The following NLGN1 variants were observed in gnomAD, a reference collection of about 807,000 sequenced individuals.
NLGN1 encodes the protein neuroligin-1.
NLGN1 carries 12 observed loss-of-function variants against 65.5 expected under a neutral mutation model. The ratio of observed to expected loss-of-function variants is 0.18; its 90% CI spans 0.12 to 0.30. The LOEUF is 0.30. Among genes scored for constraint, NLGN1 ranks in the 10% least tolerant of loss-of-function variants. The pLI, the probability that NLGN1 is intolerant of heterozygous loss-of-function variation, is 1.00. For missense variants in NLGN1, 750 were observed against 1,007.1 expected (o/e 0.74, Z 3.46); for synonymous variants, 350 against 359.5 (o/e 0.97, Z 0.30).
At chr3:173,507,697 A>G (rs186657486) in intron 2 of NLGN1, among the ~76,000 whole-genome samples, 9 of 152,136 alleles carry the variant, frequency 5.9e-5, no homozygotes, top group Admixed American at 5.9e-4. Context: ...GTGTGTACAT[A>G]TATATTCCTG....
At chr3:173,407,686 A>G (rs1711553364) in intron 1 of NLGN1, among the ~76,000 whole-genome samples, 1 of 152,194 alleles carries the variant, frequency 6.6e-6, no homozygotes, top group Admixed American at 6.5e-5. Flanking sequence ...AATAAAAATC[A>G]AGACTAAGAC....
At chr3:173,695,357 A>G (rs901949413) in intron 3 of NLGN1, among the ~76,000 whole-genome samples, 6 of 152,156 alleles carry the variant, frequency 3.9e-5, no homozygotes, top group East Asian at 1.9e-4. Context: ...ATAAAAAACA[A>G]AACATTTTTA....
At chr3:174,267,969 A>G (rs1428593858) in intron 4 of NLGN1, among the ~76,000 whole-genome samples, 1 of 152,164 alleles carries the variant, frequency 6.6e-6, no homozygotes, top group African/African-American at 2.4e-5. Flanking sequence ...CACTTAAGAG[A>G]GATAAAAATA....
chr3:173,445,097 T>C (rs1242178178), intron 2 of NLGN1, among the ~76,000 whole-genome samples: 1 of 150,886 alleles, frequency 6.6e-6, no homozygotes, highest in Non-Finnish European at 1.5e-5. Context: ...TGAAACCCCG[T>C]CTCTACTAAA....
chr3:174,132,672 C>T (rs1345328710), intron 4 of NLGN1, among the ~76,000 whole-genome samples: 2 of 152,118 alleles, frequency 1.3e-5, no homozygotes, highest in Admixed American at 1.3e-4. Context: ...CAGTCACTGC[C>T]TCAGGAGTCA....
intron 2 of NLGN1, among the ~76,000 whole-genome samples, chr3:173,542,686 A>C (rs1260484940): frequency 3.9e-5 from 6 of 151,984 alleles, no homozygotes; most frequent in Admixed American, 3.9e-4. Context: ...GGGGTATTTT[A>C]CAGTATGAGG....
chr3:173,494,713 G>T (rs1729724661), intron 2 of NLGN1, among the ~76,000 whole-genome samples: 1 of 151,646 alleles, frequency 6.6e-6, no homozygotes, highest in South Asian at 2.1e-4. Flanking sequence ...CATGATTTGA[G>T]GTAGTGGCTG....
chr3:173,897,244 A>G (rs572034459), intron 4 of NLGN1, among the ~76,000 whole-genome samples: 1 of 152,308 alleles, frequency 6.6e-6, no homozygotes, highest in South Asian at 2.1e-4. Context: ...TTTCCAGGCA[A>G]TCCCGCTAGA....
At position 173,868,739 on chromosome 3, in the gene NLGN1, C is replaced by A. The variant is rs542915603; in HGVS notation, c.646+60907C>A. On this transcript the variant is annotated intron_variant, in intron 4 of 6. Transcript: ENST00000457714. Reference sequence around the variant, plus strand: ...AATGTAGACTTTACTGGGGCCCTATCTCCAAAGAATCTGATTCAGTAGGTC... The same window carrying A: ...AATGTAGACTTTACTGGGGCCCTATATCCAAAGAATCTGATTCAGTAGGTC... 2.0e-5 allele frequency among the ~76,000 whole-genome samples: 3 copies of A among 152,252 alleles called. No homozygotes were observed. The South Asian group carries it at 6.2e-4, about 32-fold the overall frequency.
At chr3:174,225,965 A>G (rs966516986) in intron 4 of NLGN1, among the ~76,000 whole-genome samples, 1 of 152,124 alleles carries the variant, frequency 6.6e-6, no homozygotes, top group African/African-American at 2.4e-5. Context: ...AATAGCAGAA[A>G]GATCTAATTT....
chr3:174,046,290 G>T (rs920083521), intron 4 of NLGN1, among the ~76,000 whole-genome samples: 1 of 151,876 alleles, frequency 6.6e-6, no homozygotes, highest in Non-Finnish European at 1.5e-5. Flanking sequence ...AATAATAATG[G>T]AAAATTGAAA....
intron 4 of NLGN1, among the ~76,000 whole-genome samples, chr3:174,042,573 T>C (rs903768042): frequency 1.3e-5 from 2 of 152,226 alleles, no homozygotes; most frequent in Non-Finnish European, 2.9e-5. Context: ...TTATGTTTGA[T>C]TGATAAGGCC....
intron 2 of NLGN1, among the ~76,000 whole-genome samples, chr3:173,563,369 G>A (rs74768728): frequency 1.2e-3 from 183 of 152,180 alleles, no homozygotes; most frequent in Non-Finnish European, 2.2e-3. Context: ...TGAGAAAATC[G>A]GAACAAACCA....
chr3:173,493,053 A>G (rs1246731629), intron 2 of NLGN1, among the ~76,000 whole-genome samples: 1 of 151,812 alleles, frequency 6.6e-6, no homozygotes, highest in Non-Finnish European at 1.5e-5. Flanking sequence ...TGAGAGCTGC[A>G]CTTATTGAAT....
At chr3:173,846,172 T>A (rs903859469) in intron 4 of NLGN1, among the ~76,000 whole-genome samples, 1 of 152,198 alleles carries the variant, frequency 6.6e-6, no homozygotes, top group African/African-American at 2.4e-5. Context: ...AGATTAATTT[T>A]AAATATTAAT....
At chr3:173,959,032 T>C (rs1712867148) in intron 4 of NLGN1, among the ~76,000 whole-genome samples, 1 of 152,218 alleles carries the variant, frequency 6.6e-6, no homozygotes, top group African/African-American at 2.4e-5. Flanking sequence ...GCAGGCACTT[T>C]GGACCCTGCA....
At chr3:173,570,107 G>C (rs908000078) in intron 2 of NLGN1, among the ~76,000 whole-genome samples, 1 of 152,186 alleles carries the variant, frequency 6.6e-6, no homozygotes, top group Non-Finnish European at 1.5e-5. Context: ...GGGCCAGAAG[G>C]GGTCAAGAGT....
At chr3:173,572,186 A>G (rs1434812807) in intron 2 of NLGN1, among the ~76,000 whole-genome samples, 1 of 152,162 alleles carries the variant, frequency 6.6e-6, no homozygotes, top group African/African-American at 2.4e-5. Flanking sequence ...TGTAGTGATA[A>G]TTTGAAAGTG....
At chr3:173,480,040 A>C (rs1726999083) in intron 2 of NLGN1, among the ~76,000 whole-genome samples, 1 of 152,152 alleles carries the variant, frequency 6.6e-6, no homozygotes. Flanking sequence ...TTGGGCATAT[A>C]TTATTTAAGA....
Sources: gnomAD v4.1 joint callset for allele counts (sites outside exome capture counted in the v4.1 genomes callset) on GRCh38, gnomAD v4.1.1 for gene constraint, MANE v1.5 for transcripts, NCBI Gene and HGNC (gene_info 2026-07-23, HGNC 2026-07-21) for gene names.